The following EXT2 variants were observed in gnomAD, a reference collection of about 807,000 sequenced individuals.
EXT2 encodes the protein exostosin-2.
In EXT2, 53 loss-of-function variants were observed where a neutral mutation model predicts 81.6. The observed-to-expected ratio is 0.65, with a 90% CI of 0.52 to 0.82. The LOEUF is 0.82. EXT2 is among the 40% of genes least tolerant of loss of function. The pLI is 0.00. For missense variants in EXT2, 774 were observed against 910.2 expected, an observed-to-expected ratio of 0.85 and a Z score of 1.93; for synonymous variants, 320 against 340.0, an observed-to-expected ratio of 0.94 and a Z score of 0.65.
chr11:44,118,572 T>C (rs937718113), intron 4 of EXT2, among the ~76,000 whole-genome samples: 2 of 152,234 alleles, frequency 1.3e-5, no homozygotes, highest in Non-Finnish European at 2.9e-5. Context: ...AAGTTGAATA[T>C]TTTTTAGCAG....
At chr11:44,136,661 T>C (rs1276864845) in intron 7 of EXT2, among the ~76,000 whole-genome samples, 2 of 152,230 alleles carry the variant, frequency 1.3e-5, no homozygotes, top group Non-Finnish European at 2.9e-5. Flanking sequence ...GCACCGCCAC[T>C]GTGAAATTGA....
At chr11:44,105,919 G>A (rs1257291948) in intron 1 of EXT2, among the ~76,000 whole-genome samples, 2 of 152,202 alleles carry the variant, frequency 1.3e-5, no homozygotes, top group Non-Finnish European at 2.9e-5. Flanking sequence ...ATTTGCTGAT[G>A]ATTGTGGAAT....
At chr11:44,223,435 T>C (rs1285830155) in intron 10 of EXT2, among the ~76,000 whole-genome samples, 1 of 152,192 alleles carries the variant, frequency 6.6e-6, no homozygotes, top group Non-Finnish European at 1.5e-5. Flanking sequence ...CATACCATGG[T>C]ATATTATTCA....
At chr11:44,096,525 G>A (rs547551412) in intron 1 of EXT2, among the ~76,000 whole-genome samples, 111 of 152,116 alleles carry the variant, frequency 7.3e-4, no homozygotes, top group Admixed American at 1.6e-3. Context: ...TCAGGACGGG[G>A]CAGGAGTATG....
intron 1 of EXT2, among the ~76,000 whole-genome samples, chr11:44,106,291 C>CCTTTCTCCCTTCTCTCT (rs1954053711): frequency 6.6e-6 from 1 of 152,012 alleles, no homozygotes; most frequent in Admixed American, 6.6e-5. Flanking sequence ...CCTTTTCCTC[C>CCTTTCTCCCTTCTCTCT]CTTTCTCCCT....
At chr11:44,223,240 A>C (rs1955801214) in intron 10 of EXT2, among the ~76,000 whole-genome samples, 1 of 152,242 alleles carries the variant, frequency 6.6e-6, no homozygotes, top group Non-Finnish European at 1.5e-5. Context: ...ATAAAATTAA[A>C]CATGCAACTA....
At chr11:44,171,529 C>T (rs1955073092) in intron 7 of EXT2, 82 bp from the exon 8 acceptor site, 1 of 1,604,616 alleles carries the variant, frequency 6.2e-7, no homozygotes. Context: ...ATTAGCCTAA[C>T]CTGGAGTTGA....
rs141410374 is a variant in EXT2 at position 44,114,227 on chromosome 11, G to T, written c.669G>T (p.Arg223=). 1 of 1,613,998 alleles carries T rather than the reference G, an allele frequency of 6.2e-7. No homozygotes were observed. Among genetic ancestry groups the T allele is most frequent in the African/African-American group, 1.3e-5 (1 of 74,892 alleles). ...GCGGCTTTTCTACGTGGACTTACCGGCAAGGCTACGATGTCAGCATTCCTG... is the reference window on the plus strand; with the variant it reads ...GCGGCTTTTCTACGTGGACTTACCGTCAAGGCTACGATGTCAGCATTCCTG... ...AGGGFSTWTY[R]QGYDVSIPVY... The change falls in exon 4 of 14, where the codon CGG becomes CGT. Residue 223 remains arginine, a synonymous_variant. Transcript: ENST00000533608.
intron 11 of EXT2, 138 bp from the exon 12 acceptor site, chr11:44,233,977 C>A: frequency 8.2e-7 from 1 of 1,221,932 alleles, no homozygotes; most frequent in South Asian, 1.4e-5. Context: ...CCTCCTTTTA[C>A]CCTTCCTATT....
chr11:44,108,086 C>G lies in EXT2; in HGVS notation c.374C>G (p.Thr125Ser), dbSNP rs746977743. 1 of 1,614,194 alleles carries G rather than the reference C, an allele frequency of 6.2e-7. No homozygotes were observed. ...GACTTTGGCGTCTCTGTCAGCAACA[C>G]CATCTCCCGGGAGTATAATGAACTG... ...VDDFGVSVSN[T>S]ISREYNELLM... The change falls in exon 2 of 14, where the codon ACC becomes AGC. Residue 125 changes from threonine to serine, a missense_variant. Thr to Ser is a moderately conservative substitution (Grantham distance 58). Around this residue, in one of 2 missense-constraint regions of EXT2, gnomAD observed 626 missense variants for 670.5 expected, o/e 0.93. Coordinates refer to ENST00000533608, the MANE Select transcript of EXT2 (RefSeq NM_207122.2).
intron 7 of EXT2, among the ~76,000 whole-genome samples, chr11:44,167,028 G>A (rs917283204): frequency 6.6e-6 from 1 of 152,200 alleles, no homozygotes; most frequent in African/African-American, 2.4e-5. Context: ...TTCCTGAGAG[G>A]AAGAAAGCAC....
rs1367857768 is a variant in EXT2 at position 44,144,651 on chromosome 11, T to A, written c.1173+14513T>A. On this transcript the variant is annotated intron_variant, in intron 7 of 13. Coordinates refer to ENST00000533608, the MANE Select transcript of EXT2 (RefSeq NM_207122.2). ...TATTTGAAGGTGATACCCCTGAGAC[T>A]TGAAACCTAGGGCTTTCTATTTCAG... Among the ~76,000 whole-genome samples the A allele has an allele frequency of 2.0e-5, 3 of 152,192 alleles. No homozygotes were observed. The East Asian group carries it at 5.8e-4, about 29-fold the overall frequency.
chr11:44,249,894 C>A lies in EXT2; in HGVS notation c.*5607C>A, dbSNP rs769826116. 1.3e-5 allele frequency among the ~76,000 whole-genome samples: 2 copies of A among 152,136 alleles called. No individual in the cohort carries two copies. Among genetic ancestry groups the A allele is most frequent in the Non-Finnish European group, 2.9e-5 (2 of 68,040 alleles). On this transcript the variant is annotated 3_prime_UTR_variant, in exon 14 of 14. Coordinates refer to ENST00000533608, the MANE Select transcript of EXT2 (RefSeq NM_207122.2). Reference sequence around the variant, plus strand: ...GACCCTCCTGGCTAACACGGTGAAACCCCATCTCTACTAAAAATACAAAGA... The same window carrying A: ...GACCCTCCTGGCTAACACGGTGAAAACCCATCTCTACTAAAAATACAAAGA...
At chr11:44,231,569 C>T (rs1266267570) in intron 10 of EXT2, among the ~76,000 whole-genome samples, 1 of 152,062 alleles carries the variant, frequency 6.6e-6, no homozygotes, top group Non-Finnish European at 1.5e-5. Context: ...GAGAATAGAG[C>T]CTAGGACCGA....
intron 11 of EXT2, among the ~76,000 whole-genome samples, chr11:44,232,792 A>G (rs1039703515): frequency 1.1e-4 from 17 of 152,222 alleles, no homozygotes; most frequent in African/African-American, 4.1e-4. Context: ...ACTTGTATGT[A>G]TACACAGACA....
intron 8 of EXT2, among the ~76,000 whole-genome samples, chr11:44,185,496 G>GT (rs1019016427): frequency 3.0e-4 from 45 of 150,658 alleles, no homozygotes; most frequent in Admixed American, 9.3e-4. Flanking sequence ...CCAATAAAAG[G>GT]TTTTTTTTTG....
intron 10 of EXT2, among the ~76,000 whole-genome samples, chr11:44,209,700 G>A (rs1590649622): frequency 1.3e-5 from 2 of 152,136 alleles, no homozygotes; most frequent in East Asian, 1.9e-4. Flanking sequence ...TATCTGTCTT[G>A]TTAATCTCTA....
chr11:44,100,525 G>A lies in EXT2; in HGVS notation c.-31+4673G>A, dbSNP rs117153235. 9.4e-3 allele frequency among the ~76,000 whole-genome samples: 1,427 copies of A among 152,294 alleles called. 10 individuals carry two copies. Among genetic ancestry groups the A allele is most frequent in the Middle Eastern group, 0.017 (5 of 294 alleles). On this transcript the variant is annotated intron_variant, in intron 1 of 13. Coordinates refer to ENST00000533608, the MANE Select transcript of EXT2 (RefSeq NM_207122.2). Reference sequence around the variant, plus strand: ...TGAGCAGTGTATGGACAATGGTAATGATAAGGAGAGTGGAGTTGACTGGCT... The same window carrying A: ...TGAGCAGTGTATGGACAATGGTAATAATAAGGAGAGTGGAGTTGACTGGCT...
intron 8 of EXT2, among the ~76,000 whole-genome samples, chr11:44,195,358 C>T (rs1402289955): frequency 1.3e-5 from 2 of 151,786 alleles, no homozygotes; most frequent in African/African-American, 2.4e-5. Context: ...CTTTTGAACC[C>T]GGGAGACGGA....
Sources: gnomAD v4.1 joint callset for allele counts (sites outside exome capture counted in the v4.1 genomes callset) on GRCh38, gnomAD v4.1.1 for gene constraint, gnomAD v4.1.1 regional missense constraint, MANE v1.5 for transcripts, NCBI Gene and HGNC (gene_info 2026-07-23, HGNC 2026-07-21) for gene names.